The following TPTE variants were observed in gnomAD, a reference collection of about 807,000 sequenced individuals.
TPTE encodes transmembrane phosphatase with tensin homology, also known as putative tyrosine-protein phosphatase TPTE.
TPTE carries 59 observed loss-of-function variants against 84.1 expected under a neutral mutation model. That is an observed-to-expected ratio of 0.70 (90% CI 0.57 to 0.87). The LOEUF is 0.87. Among genes scored for constraint, TPTE ranks in the 40% least tolerant of loss-of-function variants. TPTE has a pLI of 0.00. For synonymous variants in TPTE, 130 were observed against 223.5 expected, an observed-to-expected ratio of 0.58 and a Z score of 3.73; for missense variants, 382 against 659.6, an observed-to-expected ratio of 0.58 and a Z score of 4.61.
intron 17 of TPTE, among the ~76,000 whole-genome samples, chr21:10,587,103 C>T (rs1288740278): frequency 6.6e-6 from 1 of 152,308 alleles, no homozygotes; most frequent in East Asian, 1.9e-4. Context: ...CTTCTTTAAT[C>T]AATGAATATG....
intron 14 of TPTE, among the ~76,000 whole-genome samples, chr21:10,573,857 C>T (rs538576770): frequency 1.7e-4 from 26 of 152,372 alleles, no homozygotes; most frequent in Admixed American, 6.5e-4. Context: ...GGCAAGAGTC[C>T]GAGGAGCGGC....
intron 8 of TPTE, among the ~76,000 whole-genome samples, chr21:10,556,448 G>T (rs2074685919): frequency 6.6e-6 from 1 of 152,308 alleles, no homozygotes; most frequent in African/African-American, 2.4e-5. Context: ...ATCATTGTTG[G>T]ACATTTGGGT....
intron 10 of TPTE, among the ~76,000 whole-genome samples, chr21:10,563,155 A>G (rs1216762790): frequency 2.6e-5 from 4 of 152,420 alleles, no homozygotes; most frequent in Non-Finnish European, 2.9e-5. Flanking sequence ...CAGTGTATCC[A>G]GTGAAAGTAT....
chr21:10,524,431 C>T (rs968165806), intron 1 of TPTE, 149 bp from the exon 2 acceptor site: 2 of 152,500 alleles, frequency 1.3e-5, no homozygotes, highest in South Asian at 4.1e-4. Flanking sequence ...TAGCAATAAC[C>T]TTGTTACTTG....
intron 7 of TPTE, among the ~76,000 whole-genome samples, chr21:10,548,594 CAT>C (rs2074515652): frequency 6.6e-6 from 1 of 152,306 alleles, no homozygotes; most frequent in African/African-American, 2.4e-5. Flanking sequence ...CCAGCAGACA[CAT>C]ATCCAGGACA....
At chr21:10,540,762 A>G (rs550099504) in intron 4 of TPTE, 1 of 521,698 alleles carries the variant, frequency 1.9e-6, no homozygotes, top group East Asian at 5.4e-5. Flanking sequence ...AGGTGATTGG[A>G]GGTGATAGAG....
intron 19 of TPTE, among the ~76,000 whole-genome samples, chr21:10,592,807 TG>T (rs1461591016): frequency 7.0e-6 from 1 of 143,782 alleles, no homozygotes; most frequent in Non-Finnish European, 1.5e-5. Context: ...TGACTCCTGG[TG>T]TGTGTGTGTG....
At chr21:10,592,511 C>G (rs2075500353) in intron 19 of TPTE, 138 bp downstream of exon 19, 2 of 1,135,504 alleles carry the variant, frequency 1.8e-6, no homozygotes, top group Non-Finnish European at 2.5e-6. Flanking sequence ...AGGCCTTAGT[C>G]CCTCCCTGAG....
chr21:10,560,195 A>G (rs1255254265), intron 9 of TPTE, among the ~76,000 whole-genome samples: 4 of 152,294 alleles, frequency 2.6e-5, no homozygotes, highest in Non-Finnish European at 4.4e-5. Flanking sequence ...AAATTCTATA[A>G]TTATTAGTAA....
chr21:10,557,510 T>A (rs1437971655), intron 8 of TPTE, among the ~76,000 whole-genome samples: 1 of 152,310 alleles, frequency 6.6e-6, no homozygotes, highest in Admixed American at 6.5e-5. Context: ...ATTTCCTTGA[T>A]ACCCAGAGAT....
chr21:10,582,068 T>C (rs2075281355), intron 17 of TPTE, among the ~76,000 whole-genome samples: 1 of 152,308 alleles, frequency 6.6e-6, no homozygotes. Context: ...GTGAAATTTG[T>C]TTTTCTATGT....
intron 21 of TPTE, among the ~76,000 whole-genome samples, chr21:10,601,220 C>T (rs911432095): frequency 2.6e-5 from 4 of 152,302 alleles, no homozygotes; most frequent in African/African-American, 4.8e-5. Context: ...AAAAGTGCCT[C>T]ATAGCTGGGC....
intron 3 of TPTE, among the ~76,000 whole-genome samples, chr21:10,530,650 A>G (rs1347820446): frequency 6.6e-6 from 1 of 152,310 alleles, no homozygotes; most frequent in East Asian, 1.9e-4. Flanking sequence ...ACCCCTATAG[A>G]CCTGTTTGAG....
chr21:10,604,436 T>C (rs1979017114), intron 23 of TPTE, among the ~76,000 whole-genome samples: 1 of 152,310 alleles, frequency 6.6e-6, no homozygotes, highest in Non-Finnish European at 1.5e-5. Flanking sequence ...CATGAATTGA[T>C]AGTTATTGTT....
rs577999593 is a variant in TPTE, at chr21:10,605,399, A to C, written c.1521-18A>C. 9.9e-6 allele frequency: 16 copies of C among 1,612,208 alleles called. No homozygotes were observed. Among genetic ancestry groups the C allele is most frequent in the Non-Finnish European group, 1.4e-5 (16 of 1,179,080 alleles). On this transcript the variant is annotated intron_variant, in intron 23 of 23. Coordinates refer to ENST00000618007, the MANE Select transcript of TPTE (RefSeq NM_199261.4). ...GTGAGCCCCAATATAAAATGTAATA[A>C]TTTTTTTCTATTCTTAGGCTTTATC...
At chr21:10,599,630 C>T (rs1445031097) in intron 21 of TPTE, among the ~76,000 whole-genome samples, 1 of 152,308 alleles carries the variant, frequency 6.6e-6, no homozygotes, top group Non-Finnish European at 1.5e-5. Context: ...AGGAAATGCT[C>T]AACCATATTT....
chr21:10,557,629 C>T (rs540040310), intron 8 of TPTE, among the ~76,000 whole-genome samples: 2 of 152,424 alleles, frequency 1.3e-5, no homozygotes, highest in South Asian at 2.1e-4. Context: ...AGCCTTAACT[C>T]TCCAAGCCTG....
In TPTE at chr21:10,605,673, TTATA is replaced by T; in HGVS notation, c.*125_*128del. On this transcript the variant is annotated 3_prime_UTR_variant, in exon 24 of 24. Coordinates refer to ENST00000618007, the MANE Select transcript of TPTE (RefSeq NM_199261.4). ...AGTATTTATTTATGTTTATATATGT[TTATA>T]TATGTTCTTCATAAATCTATTACAT... The T allele has an allele frequency of 4.1e-6, 6 of 1,475,168 alleles. No individual in the cohort carries two copies. The highest frequency in any genetic ancestry group is 5.4e-6 in the Non-Finnish European group (6 of 1,102,412). 91.4% of individuals were successfully genotyped at this position (1,475,168 alleles called of 1,614,324 possible).
chr21:10,566,844 C>T (rs1216466929), intron 10 of TPTE, among the ~76,000 whole-genome samples: 1 of 152,286 alleles, frequency 6.6e-6, no homozygotes, highest in African/African-American at 2.4e-5. Context: ...GGGTGTGGTG[C>T]CGGGCACCTG....
Sources: allele counts gnomAD v4.1 joint callset (sites outside exome capture counted in the v4.1 genomes callset), GRCh38; gene constraint gnomAD v4.1.1; transcripts MANE v1.5; gene names NCBI Gene and HGNC (gene_info 2026-07-23, HGNC 2026-07-21).